EYA2: variants seen among roughly 807,000 people sequenced by gnomAD.
EYA2 encodes EYA transcriptional coactivator and phosphatase 2.
Under a neutral mutation model 69.2 loss-of-function variants are expected in EYA2, and 31 were observed. That is an observed-to-expected ratio of 0.45 (90% CI 0.34 to 0.60). The LOEUF is 0.60. Among genes scored for constraint, EYA2 ranks in the 20% least tolerant of loss-of-function variants. The pLI, the probability that EYA2 is intolerant of heterozygous loss-of-function variation, is 0.02. For missense variants in EYA2, 622 were observed against 701.2 expected, an observed-to-expected ratio of 0.89 and a Z score of 1.28; for synonymous variants, 257 against 279.4, an observed-to-expected ratio of 0.92 and a Z score of 0.80.
At chr20:47,029,347 TTGCC>T (rs1984273574) in intron 5 of EYA2, among the ~76,000 whole-genome samples, 1 of 152,232 alleles carries the variant, frequency 6.6e-6, no homozygotes. Flanking sequence ...TGTGGCAACT[TTGCC>T]TGGCCACCCT....
intron 1 of EYA2, among the ~76,000 whole-genome samples, chr20:46,959,751 A>G (rs572079874): frequency 6.6e-6 from 1 of 152,220 alleles, no homozygotes; most frequent in Non-Finnish European, 1.5e-5. Flanking sequence ...CCCAACCCCC[A>G]CGTCGTTGTC....
chr20:47,024,570 A>C (rs988275559), intron 5 of EYA2, among the ~76,000 whole-genome samples: 1 of 152,196 alleles, frequency 6.6e-6, no homozygotes, highest in Non-Finnish European at 1.5e-5. Context: ...GAGCGCTCCC[A>C]GCACAACTTT....
intron 9 of EYA2, among the ~76,000 whole-genome samples, chr20:47,108,902 G>A (rs1471392902): frequency 1.3e-5 from 2 of 152,008 alleles, no homozygotes; most frequent in Non-Finnish European, 2.9e-5. Context: ...GGGGAGAGGA[G>A]AGTAGAAAGT....
At chr20:47,011,313 A>G (rs1318379480) in intron 4 of EYA2, among the ~76,000 whole-genome samples, 2 of 152,170 alleles carry the variant, frequency 1.3e-5, no homozygotes, top group South Asian at 2.1e-4. Flanking sequence ...GCCATGTGCC[A>G]TGGGCTGATC....
chr20:47,057,231 AAATG>A (rs1275325179), intron 5 of EYA2, among the ~76,000 whole-genome samples: 36 of 152,270 alleles, frequency 2.4e-4, no homozygotes, highest in African/African-American at 8.7e-4. Context: ...GGCTGAAGGA[AAATG>A]AATGAGCAGC....
At chr20:47,049,675 C>CA (rs1473396758) in intron 5 of EYA2, among the ~76,000 whole-genome samples, 2 of 151,244 alleles carry the variant, frequency 1.3e-5, no homozygotes, top group African/African-American at 2.4e-5. Flanking sequence ...GAGGCCCCCC[C>CA]AGAAGCTGAG....
chr20:47,082,535 TTACAC>T (rs1185356641), intron 7 of EYA2, among the ~76,000 whole-genome samples: 11 of 152,194 alleles, frequency 7.2e-5, no homozygotes, highest in African/African-American at 2.7e-4. Context: ...ATGCATGACT[TTACAC>T]TAAAACCTAT....
At chr20:46,970,331 A>T (rs1387796701) in intron 1 of EYA2, among the ~76,000 whole-genome samples, 1 of 152,134 alleles carries the variant, frequency 6.6e-6, no homozygotes, top group African/African-American at 2.4e-5. Context: ...TGTATATAAA[A>T]ATAGAGGAGA....
In EYA2 at chr20:47,077,356, T is replaced by C. The variant is rs1160617459; in HGVS notation, c.661+3021T>C. Among the ~76,000 whole-genome samples the C allele has an allele frequency of 2.0e-5, 3 of 152,180 alleles. No homozygotes were observed. In the East Asian group the frequency reaches 5.8e-4, roughly 29 times the overall value. On this transcript the variant is annotated intron_variant, in intron 7 of 15. Transcript: ENST00000327619. ...TATGCACATCTTCTCTTTTACAAGGTGGTTTTGGCTTATCAACATTAAATA... is the reference window on the plus strand; with the variant it reads ...TATGCACATCTTCTCTTTTACAAGGCGGTTTTGGCTTATCAACATTAAATA...
intron 9 of EYA2, among the ~76,000 whole-genome samples, chr20:47,135,362 G>T (rs2146585290): frequency 6.6e-6 from 1 of 152,208 alleles, no homozygotes; most frequent in East Asian, 1.9e-4. Context: ...TAAGTAACTT[G>T]TAAGAAGTGG....
intron 1 of EYA2, among the ~76,000 whole-genome samples, chr20:46,960,780 T>C (rs1979427346): frequency 6.6e-6 from 1 of 152,232 alleles, no homozygotes; most frequent in Admixed American, 6.5e-5. Flanking sequence ...CTTCACCGTC[T>C]GGCCGTTTAC....
intron 9 of EYA2, among the ~76,000 whole-genome samples, chr20:47,105,258 C>T (rs1466645396): frequency 6.6e-6 from 1 of 152,154 alleles, no homozygotes; most frequent in Non-Finnish European, 1.5e-5. Context: ...TTAACATAGC[C>T]TTTGCACTTG....
intron 1 of EYA2, among the ~76,000 whole-genome samples, chr20:46,921,899 A>G (rs769821739): frequency 3.9e-5 from 6 of 152,208 alleles, no homozygotes; most frequent in African/African-American, 1.2e-4. Flanking sequence ...GCTATAAACT[A>G]ATACAGGTGG....
chr20:46,975,320 C>A (rs1356778241), intron 1 of EYA2, among the ~76,000 whole-genome samples: 1 of 152,152 alleles, frequency 6.6e-6, no homozygotes, highest in Non-Finnish European at 1.5e-5. Context: ...GAAGGGTACT[C>A]AGGACCTTTC....
chr20:47,163,206 T>A (rs2034106851), intron 10 of EYA2, among the ~76,000 whole-genome samples: 1 of 152,082 alleles, frequency 6.6e-6, no homozygotes, highest in South Asian at 2.1e-4. Context: ...ACTTTTTGTA[T>A]TTTTAATAGA....
chr20:46,987,954 CTCTCTCTCTCTATATATATATATA>C lies in EYA2; in HGVS notation c.-10-2045_-10-2022del, dbSNP rs1433405151. 9.2e-5 allele frequency among the ~76,000 whole-genome samples: 4 copies of C among 43,570 alleles called. No homozygotes were observed. In the South Asian group the frequency reaches 3.1e-3, roughly 33 times the overall value. 28.6% of individuals were successfully genotyped at this position (43,570 alleles called of 152,430 possible). ...TCTCTCTCTCTCTCTCTCTCTCTCT[CTCTCTCTCTCTATATATATATATA>C]TATATATATATATATATATGGGGCA... is the stretch of plus-strand genomic sequence containing the variant. On this transcript the variant is annotated intron_variant, in intron 1 of 15. Transcript: ENST00000327619.
In EYA2 at chr20:46,978,728, G is replaced by A. The variant is rs865949078; in HGVS notation, c.-10-11273G>A. The A allele has an allele frequency of 1.1e-5, 6 of 532,836 alleles. No homozygotes were observed. In the Middle Eastern group the frequency reaches 2.1e-3, roughly 185 times the overall value. The allele number at this position is 532,836 out of a possible 1,614,324, so 33.0% of individuals were successfully genotyped here. Reference sequence around the variant, plus strand: ...CGGTGGCCCCAGGGAGGTGGGCAGGGGGGCTGCCGTGGTCTTCCTGGGCAG... The same window carrying A: ...CGGTGGCCCCAGGGAGGTGGGCAGGAGGGCTGCCGTGGTCTTCCTGGGCAG... On this transcript the variant is annotated intron_variant, in intron 1 of 15. Transcript: ENST00000327619.
intron 10 of EYA2, chr20:47,161,792 G>T (rs535529384): frequency 6.3e-6 from 1 of 159,310 alleles, no homozygotes; most frequent in African/African-American, 2.4e-5. Context: ...CCCATAGTAG[G>T]TGTTTTTATA....
intron 1 of EYA2, among the ~76,000 whole-genome samples, chr20:46,915,964 A>G (rs1368048655): frequency 2.0e-5 from 3 of 152,208 alleles, no homozygotes; most frequent in Non-Finnish European, 4.4e-5. Flanking sequence ...CTGTGTCTCT[A>G]TCAAAAAGAA....
Sources: gnomAD v4.1 joint callset for allele counts (sites outside exome capture counted in the v4.1 genomes callset) on GRCh38, gnomAD v4.1.1 for gene constraint, MANE v1.5 for transcripts, NCBI Gene and HGNC (gene_info 2026-07-23, HGNC 2026-07-21) for gene names.